The following MBOAT7 variants were observed in gnomAD, a reference collection of about 807,000 sequenced individuals.
MBOAT7 encodes the protein membrane bound acylglycerophosphatidylinositol O-acyltransferase MBOAT7.
MBOAT7 carries 40 observed loss-of-function variants against 47.4 expected under a neutral mutation model. The ratio of observed to expected loss-of-function variants is 0.84; its 90% CI spans 0.66 to 1.10. The LOEUF (loss-of-function observed/expected upper bound fraction) is 1.10. Ranked by LOEUF, MBOAT7 falls within the 50% of genes least tolerant of loss-of-function variation. MBOAT7 has a pLI of 0.00. For synonymous variants in MBOAT7, 361 were observed against 292.0 expected, an observed-to-expected ratio of 1.24 and a Z score of -2.41; for missense variants, 680 against 655.6, an observed-to-expected ratio of 1.04 and a Z score of -0.41.
chr19:54,187,543 C>T (rs562597046), intron 3 of MBOAT7, among the ~76,000 whole-genome samples: 8 of 152,324 alleles, frequency 5.3e-5, no homozygotes, highest in African/African-American at 1.4e-4. Context: ...GGTGAAGACC[C>T]TGCAATCCTC....
At chr19:54,179,298 T>C (rs997531024) in intron 6 of MBOAT7, 1 of 319,084 alleles carries the variant, frequency 3.1e-6, no homozygotes, top group Non-Finnish European at 5.8e-6. Flanking sequence ...TGGTCCCTTC[T>C]AAATTGTCGG....
At chr19:54,185,599 C>T (rs2076407785) in intron 4 of MBOAT7, among the ~76,000 whole-genome samples, 1 of 152,204 alleles carries the variant, frequency 6.6e-6, no homozygotes, top group Non-Finnish European at 1.5e-5. Flanking sequence ...GTCACCTGGA[C>T]TCGGACAAAG....
chr19:54,177,185 A>ACT (rs1368976003), intron 7 of MBOAT7, among the ~76,000 whole-genome samples: 1,969 of 151,646 alleles, frequency 0.013, 32 homozygotes, highest in African/African-American at 0.043. Context: ...TAATACTAAT[A>ACT]ATAATATCCT....
chr19:54,186,078 A>C (rs1254925816), intron 4 of MBOAT7, among the ~76,000 whole-genome samples: 1 of 151,010 alleles, frequency 6.6e-6, no homozygotes, highest in Non-Finnish European at 1.5e-5. Context: ...CAATGGTACG[A>C]TCTCAGCTCA....
rs545983067 is a variant in MBOAT7 at position 54,174,391 on chromosome 19, G to T, written c.1072C>A (p.Leu358Ile). 1 of 1,602,710 alleles carries T rather than the reference G, an allele frequency of 6.2e-7. No individual in the cohort carries two copies. Among genetic ancestry groups the T allele is most frequent in the African/African-American group, 1.3e-5 (1 of 74,504 alleles). Residue 358 changes from leucine (L) to isoleucine (I), a missense_variant, in exon 8 of 8, where the codon CTC becomes ATC. Transcript: ENST00000245615. Reference sequence around the variant, plus strand: ...AAGCTCAGGTAGTAGCCCGGGTGGAGGCCGTGCCAGTAGGCGCTCAGCAGC... The same window carrying T: ...AAGCTCAGGTAGTAGCCCGGGTGGATGCCGTGCCAGTAGGCGCTCAGCAGC... The part of the protein sequence containing the change: ...TMLLSAYWHG[L>I]HPGYYLSFLT...
Position 54,183,598 on chromosome 19 carries a change from G to A in MBOAT7, c.416C>T (p.Thr139Ile). The change falls in exon 5 of 8, where the codon ACC becomes ATC. Residue 139 changes from threonine to isoleucine, a missense_variant. Coordinates refer to ENST00000245615, the MANE Select transcript of MBOAT7 (RefSeq NM_024298.5). ...GGGCACGTCGGGCAGCAGCCCCAGG[G>A]TGGGCCCCTTGCTGAAGCCTGAGGC... ...EMASGFSKGPTLGLLPDVPSL... is the reference protein window; with the variant it reads ...EMASGFSKGPILGLLPDVPSL... The A allele has an allele frequency of 6.2e-7, 1 of 1,608,448 alleles. No individual in the cohort carries two copies. Among genetic ancestry groups the A allele is most frequent in the Non-Finnish European group, 8.5e-7 (1 of 1,177,592 alleles).
rs370881891 is a variant in MBOAT7 at position 54,188,398 on chromosome 19, C to G, written c.76+35G>C. 1.3e-4 allele frequency: 205 copies of G among 1,584,700 alleles called. 1 individual carries two copies. The South Asian group carries it at 1.9e-3, about 15-fold the overall frequency. On this transcript the variant is annotated intron_variant, in intron 2 of 7. Coordinates refer to ENST00000245615, the MANE Select transcript of MBOAT7 (RefSeq NM_024298.5). Reference sequence around the variant, plus strand: ...CTGGAACCTTCCAGAGGGTCCCCCCCCTTTATTTTCCACTGGGGAGGGAGC... The same window carrying G: ...CTGGAACCTTCCAGAGGGTCCCCCCGCTTTATTTTCCACTGGGGAGGGAGC...
At chr19:54,188,015 C>CAGAAAGAAAGAAAGAAAGAAAGAAAGAA (rs374807150) in intron 3 of MBOAT7, among the ~76,000 whole-genome samples, 8 of 78,374 alleles carry the variant, frequency 1.0e-4, no homozygotes, top group South Asian at 4.2e-4. Flanking sequence ...AACTCCATCT[C>CAGAAAGAAAGAAAGAAAGAAAGAAAGAA]AGAAAGAAAG....
In MBOAT7 at chr19:54,181,261, G is replaced by A. The variant is rs538590284; in HGVS notation, c.494-128C>T. ...GTGAGAGGGGCAGAGACTGGGCGCC[G>A]GGGAGACCCCAAGGGTAGGGACTGA... On this transcript the variant is annotated intron_variant, in intron 5 of 7. Transcript: ENST00000245615. The A allele has an allele frequency of 1.3e-4, 147 of 1,167,662 alleles. 2 individuals are homozygous for A. The highest frequency in any genetic ancestry group is 2.3e-4 in the South Asian group (14 of 59,798). 72.3% of individuals were successfully genotyped at this position (1,167,662 alleles called of 1,614,324 possible). A position where few individuals can be genotyped will look rare whatever the true frequency, so the allele number is the denominator to read the frequency against.
chr19:54,187,050 C>T, intron 4 of MBOAT7, 111 bp downstream of exon 4: 3 of 1,355,968 alleles, frequency 2.2e-6, no homozygotes, highest in Non-Finnish European at 2.0e-6. Context: ...CGTCCCACCC[C>T]CAGGGTGTGT....
At chr19:54,176,785 G>A (rs2076119153) in intron 7 of MBOAT7, among the ~76,000 whole-genome samples, 1 of 152,058 alleles carries the variant, frequency 6.6e-6, no homozygotes, top group African/African-American at 2.4e-5. Flanking sequence ...AGATGCAGTG[G>A]CTCATGCTTG....
At chr19:54,177,913 T>C (rs1371137320) in intron 7 of MBOAT7, among the ~76,000 whole-genome samples, 1 of 67,370 alleles carries the variant, frequency 1.5e-5, no homozygotes, top group East Asian at 4.9e-4. Context: ...TTTTTTTTTT[T>C]TTTTTTTTTT....
intron 7 of MBOAT7, among the ~76,000 whole-genome samples, chr19:54,174,869 ACACT>A (rs1255952380): frequency 1.3e-5 from 2 of 151,984 alleles, no homozygotes; most frequent in East Asian, 3.9e-4. Flanking sequence ...CCTTCCATAC[ACACT>A]CAGTCCTATC....
chr19:54,178,610 TATA>T (rs2076174860), intron 7 of MBOAT7, 152 bp downstream of exon 7: 1 of 1,431,004 alleles, frequency 7.0e-7, no homozygotes, highest in Admixed American at 2.9e-5. Flanking sequence ...ATGCTGCCAC[TATA>T]ATTAGAGGCA....
chr19:54,184,878 TG>T (rs2076388508), intron 4 of MBOAT7, among the ~76,000 whole-genome samples: 1 of 129,648 alleles, frequency 7.7e-6, no homozygotes, highest in South Asian at 2.4e-4. Context: ...CACTCCAGCC[TG>T]GGCAACAGGA....
At chr19:54,184,523 CT>C (rs1191846121) in intron 4 of MBOAT7, among the ~76,000 whole-genome samples, 2 of 151,982 alleles carry the variant, frequency 1.3e-5, no homozygotes, top group East Asian at 3.9e-4. Flanking sequence ...GAGGGTAGGG[CT>C]TTTATTCCCT....
chr19:54,181,072 C>T lies in MBOAT7; in HGVS notation c.555G>A (p.Val185=). 1.3e-6 allele frequency: 2 copies of T among 1,529,700 alleles called. No individual in the cohort carries two copies. Among genetic ancestry groups the T allele is most frequent in the Non-Finnish European group, 8.8e-7 (1 of 1,138,228 alleles). The allele number at this position is 1,529,700 out of a possible 1,614,324, so 94.8% of individuals were successfully genotyped here. The change falls in exon 6 of 8, where the codon GTG becomes GTA. Residue 185 remains valine (V), a synonymous_variant. Transcript: ENST00000245615. The part of the protein sequence containing the change: ...DWLEQPFPGA[V]PSLRPLLRRA... ...GGCGCAGCAGGGGCCGCAGGCTGGG[C>T]ACTGCCCCGGGGAAGGGCTGCTCCA...
At chr19:54,186,297 G>A (rs2076425968) in intron 4 of MBOAT7, among the ~76,000 whole-genome samples, 1 of 152,194 alleles carries the variant, frequency 6.6e-6, no homozygotes, top group African/African-American at 2.4e-5. Context: ...TTACAGGCGT[G>A]AGCTACTGTG....
Position 54,188,341 on chromosome 19 carries a change from C to T in MBOAT7, c.82G>A (p.Gly28Arg), listed in dbSNP as rs1364147355. The T allele has an allele frequency of 3.1e-6, 5 of 1,613,620 alleles. No individual in the cohort carries two copies. The highest frequency in any genetic ancestry group is 4.2e-6 in the Non-Finnish European group (5 of 1,179,826). The change falls in exon 3 of 8, where the codon GGG becomes AGG. Residue 28 changes from glycine to arginine, a missense_variant. Physicochemically the swap from Gly to Arg is moderately radical, Grantham distance 125. Coordinates refer to ENST00000245615, the MANE Select transcript of MBOAT7 (RefSeq NM_024298.5). ...GCGGCTGCTCCCCATCTCTTCAGCC[C>T]AGGACCTGCAGGGGGAAGGGACAGC... ...IGFLFKKAGP[G>R]LKRWGAAAVG...
Sources: allele counts gnomAD v4.1 joint callset (sites outside exome capture counted in the v4.1 genomes callset), GRCh38; gene constraint gnomAD v4.1.1; transcripts MANE v1.5; gene names NCBI Gene and HGNC (gene_info 2026-07-23, HGNC 2026-07-21).